NEO1: variants seen among roughly 807,000 people sequenced by gnomAD.
NEO1 encodes the protein neogenin.
In NEO1, 63 loss-of-function variants were observed where a neutral mutation model predicts 159.7. That is an observed-to-expected ratio of 0.39 (90% CI 0.32 to 0.49). NEO1 has a LOEUF of 0.49. NEO1 is among the 20% of genes least tolerant of loss of function. The pLI, the probability that NEO1 is intolerant of heterozygous loss-of-function variation, is 0.85. For missense variants in NEO1, 1,615 were observed against 1,831.0 expected (o/e 0.88, Z 2.15); for synonymous variants, 633 against 662.0 (o/e 0.96, Z 0.67).
chr15:73,300,478 C>A (rs1404263228), intron 27 of NEO1, among the ~76,000 whole-genome samples: 1 of 152,240 alleles, frequency 6.6e-6, no homozygotes, highest in Non-Finnish European at 1.5e-5. Flanking sequence ...GCTTGTAATC[C>A]CAGCACTTCG....
At chr15:73,204,611 T>C (rs1275356844) in intron 7 of NEO1, among the ~76,000 whole-genome samples, 3 of 152,180 alleles carry the variant, frequency 2.0e-5, no homozygotes, top group African/African-American at 4.8e-5. Context: ...GTAGAATTCC[T>C]TTTGATTCTT....
intron 28 of NEO1, 113 bp from the exon 29 acceptor site, chr15:73,302,500 G>C: frequency 1.1e-6 from 1 of 930,960 alleles, no homozygotes; most frequent in Non-Finnish European, 1.7e-6. Flanking sequence ...TTAGTAGCCA[G>C]TTTTCTGGGG....
At chr15:73,257,132 CAAA>C (rs10623334) in intron 13 of NEO1, among the ~76,000 whole-genome samples, 18 of 54,770 alleles carry the variant, frequency 3.3e-4, no homozygotes, top group South Asian at 3.2e-3. Flanking sequence ...ACTCTGTCTC[CAAA>C]AAAAAAAAAA....
chr15:73,193,362 G>T (rs796769169), intron 7 of NEO1, among the ~76,000 whole-genome samples: 1 of 152,080 alleles, frequency 6.6e-6, no homozygotes, highest in African/African-American at 2.4e-5. Context: ...ACTCAGTTAA[G>T]TGACTTGCCA....
chr15:73,222,878 A>T (rs1362922676), intron 7 of NEO1, among the ~76,000 whole-genome samples: 1 of 151,962 alleles, frequency 6.6e-6, no homozygotes, highest in East Asian at 1.9e-4. Context: ...TTAGAATGTC[A>T]GTTTGTGCTC....
chr15:73,088,713 G>A (rs904408285), intron 1 of NEO1, among the ~76,000 whole-genome samples: 1 of 152,000 alleles, frequency 6.6e-6, no homozygotes, highest in Non-Finnish European at 1.5e-5. Context: ...TGAGTTAAGG[G>A]GCAGTAGTCT....
At chr15:73,105,661 T>G (rs763951837) in intron 1 of NEO1, among the ~76,000 whole-genome samples, 1 of 152,208 alleles carries the variant, frequency 6.6e-6, no homozygotes, top group Non-Finnish European at 1.5e-5. Context: ...TTGCCTTTGT[T>G]TTTTATGACA....
chr15:73,183,078 T>G (rs577708555), intron 7 of NEO1, among the ~76,000 whole-genome samples: 2 of 152,272 alleles, frequency 1.3e-5, no homozygotes, highest in Admixed American at 6.5e-5. Flanking sequence ...AGTTTACACT[T>G]TCTTGCAAAC....
chr15:73,194,305 T>C (rs1258923785), intron 7 of NEO1, among the ~76,000 whole-genome samples: 1 of 152,144 alleles, frequency 6.6e-6, no homozygotes, highest in East Asian at 1.9e-4. Flanking sequence ...TTCTTTTTAT[T>C]CCCTAATGGC....
intron 13 of NEO1, chr15:73,255,430 C>T (rs1461801506): frequency 3.3e-5 from 5 of 152,134 alleles, no homozygotes; most frequent in Non-Finnish European, 7.3e-5. Context: ...CTGGAGATCA[C>T]AGAGAATCCT....
chr15:73,272,625 G>GA, intron 19 of NEO1, 63 bp downstream of exon 19: 9 of 1,177,476 alleles, frequency 7.6e-6, no homozygotes, highest in Non-Finnish European at 1.1e-5. Flanking sequence ...AGTATTCCAG[G>GA]AGAGTACCAT....
chr15:73,059,946 A>G (rs2067898236), intron 1 of NEO1, among the ~76,000 whole-genome samples: 1 of 152,134 alleles, frequency 6.6e-6, no homozygotes, highest in Non-Finnish European at 1.5e-5. Flanking sequence ...TAATAGTACA[A>G]CTTACTAAGA....
At chr15:73,260,059 G>C (rs1283838764) in intron 14 of NEO1, among the ~76,000 whole-genome samples, 1 of 135,192 alleles carries the variant, frequency 7.4e-6, no homozygotes, top group Non-Finnish European at 1.6e-5. Flanking sequence ...ATTTAAAGCT[G>C]TTCAGGTCTT....
At chr15:73,151,632 A>C (rs1469519242) in intron 5 of NEO1, among the ~76,000 whole-genome samples, 4 of 152,152 alleles carry the variant, frequency 2.6e-5, no homozygotes. Context: ...GAGAAGTGCC[A>C]AGCAAACCCT....
intron 1 of NEO1, among the ~76,000 whole-genome samples, chr15:73,104,666 A>G (rs757183162): frequency 6.6e-5 from 10 of 152,208 alleles, no homozygotes; most frequent in Admixed American, 1.3e-4. Flanking sequence ...TCACACTGCT[A>G]TAAGGAACTA....
chr15:73,177,321 T>C (rs2035337058), intron 6 of NEO1, among the ~76,000 whole-genome samples: 1 of 152,162 alleles, frequency 6.6e-6, no homozygotes, highest in Non-Finnish European at 1.5e-5. Flanking sequence ...ATCAGAACTA[T>C]AGTTGTTAAA....
chr15:73,054,488 C>A (rs770151849), intron 1 of NEO1, among the ~76,000 whole-genome samples: 4 of 152,148 alleles, frequency 2.6e-5, no homozygotes, highest in African/African-American at 9.7e-5. Context: ...GAAAGATAGC[C>A]ATCCATCTAC....
chr15:73,131,674 C>A (rs1180161336), intron 4 of NEO1, among the ~76,000 whole-genome samples: 3 of 152,204 alleles, frequency 2.0e-5, no homozygotes, highest in Non-Finnish European at 2.9e-5. Flanking sequence ...CCTGCCAGAG[C>A]AGTCTTTTCA....
At chr15:73,240,559 T>C (rs140692402) in intron 8 of NEO1, among the ~76,000 whole-genome samples, 1 of 152,308 alleles carries the variant, frequency 6.6e-6, no homozygotes, top group Non-Finnish European at 1.5e-5. Flanking sequence ...CATAATCAGA[T>C]AAGAAGGGAC....
Sources: gnomAD v4.1 joint callset for allele counts (sites outside exome capture counted in the v4.1 genomes callset) on GRCh38, gnomAD v4.1.1 for gene constraint, MANE v1.5 for transcripts, NCBI Gene and HGNC (gene_info 2026-07-23, HGNC 2026-07-21) for gene names.